COL1A2: variants seen among roughly 807,000 people sequenced by gnomAD.
The protein encoded by COL1A2 is collagen alpha-2(I) chain.
Under a neutral mutation model 174.3 loss-of-function variants are expected in COL1A2, and 49 were observed. That is an observed-to-expected ratio of 0.28 (90% CI 0.22 to 0.36). COL1A2 has a LOEUF of 0.36. COL1A2 is among the 10% of genes least tolerant of loss of function. The pLI, the probability that COL1A2 is intolerant of heterozygous loss-of-function variation, is 1.00. For synonymous variants in COL1A2, 655 were observed against 606.6 expected, an observed-to-expected ratio of 1.08 and a Z score of -1.17; for missense variants, 1,438 against 1,822.7, an observed-to-expected ratio of 0.79 and a Z score of 3.84.
chr7:94,416,411 C>G lies in COL1A2; in HGVS notation c.1771C>G (p.Arg591Gly). ...LPGPAGPRGE[R>G]GPPGESGAAG... ...TTCTAATCACTTTTTTCAGGGGGAA[C>G]GCGGTCCCCCAGGTGAGAGTGGTGC... The change falls in exon 31 of 52, where the codon CGC becomes GGC. Residue 591 changes from arginine (R) to glycine (G), a missense_variant. By Grantham distance (125) the Arg-to-Gly change is moderately radical. This residue lies in a region of COL1A2 where 867 missense variants were observed against 1,213.7 expected (regional missense o/e 0.71). Transcript: ENST00000297268. The G allele has an allele frequency of 3.2e-6, 5 of 1,572,690 alleles. No individual in the cohort carries two copies. Among genetic ancestry groups the G allele is most frequent in the Middle Eastern group, 3.3e-4 (2 of 5,982 alleles).
At chr7:94,419,476 C>T (rs1453957949) in intron 33 of COL1A2, 22 bp from the exon 34 acceptor site, 2 of 1,613,598 alleles carry the variant, frequency 1.2e-6, no homozygotes, top group Non-Finnish European at 1.7e-6. Context: ...ATTAATAAGA[C>T]ATGTTTCCTT....
chr7:94,405,156 G>A (rs1017376687), intron 9 of COL1A2, 43 bp from the exon 10 acceptor site: 1 of 1,606,768 alleles, frequency 6.2e-7, no homozygotes, highest in Non-Finnish European at 8.5e-7. Context: ...TTGTCTGATA[G>A]TTTACCAAGA....
At position 94,414,287 on chromosome 7, in the gene COL1A2, A is replaced by T; in HGVS notation, c.1719+12A>T. 6.2e-7 allele frequency: 1 copy of T among 1,612,192 alleles called. No homozygotes were observed. Among genetic ancestry groups the T allele is most frequent in the Non-Finnish European group, 8.5e-7 (1 of 1,178,226 alleles). ...AACCAGGAGAAAGGGTGAGTAAAAC[A>T]AGTAATAGTAAGTAGTAACTACTAA... is the stretch of plus-strand genomic sequence containing the variant. On this transcript the variant is annotated intron_variant, in intron 29 of 51. Transcript: ENST00000297268.
chr7:94,396,019 C>T (rs1791575804), intron 1 of COL1A2, among the ~76,000 whole-genome samples: 1 of 152,042 alleles, frequency 6.6e-6, no homozygotes, highest in Admixed American at 6.5e-5. Context: ...AGTCTGACAC[C>T]AATTTGCTGC....
intron 39 of COL1A2, chr7:94,422,630 C>A: frequency 1.2e-5 from 3 of 252,240 alleles, no homozygotes; most frequent in Non-Finnish European, 1.5e-5. Context: ...CTCAGAGTCC[C>A]ATTCATTTAT....
chr7:94,422,862 C>T (rs1792195917), intron 39 of COL1A2, 95 bp from the exon 40 acceptor site: 1 of 1,414,478 alleles, frequency 7.1e-7, no homozygotes. Flanking sequence ...TATTGCATCA[C>T]ATTGTTTGCA....
chr7:94,401,904 G>T (rs1424107853), intron 6 of COL1A2, among the ~76,000 whole-genome samples: 1 of 151,840 alleles, frequency 6.6e-6, no homozygotes, highest in Admixed American at 6.6e-5. Flanking sequence ...ATAATCTTTG[G>T]ACATAGTAAC....
intron 24 of COL1A2, 41 bp from the exon 25 acceptor site, chr7:94,412,543 T>C (rs778093263): frequency 3.7e-5 from 56 of 1,499,526 alleles, no homozygotes; most frequent in Non-Finnish European, 4.9e-5. Flanking sequence ...GTTGTGAGAA[T>C]ATGTTGACAC....
intron 11 of COL1A2, 84 bp from the exon 12 acceptor site, chr7:94,406,166 T>C (rs532835134): frequency 1.4e-6 from 2 of 1,413,290 alleles, no homozygotes; most frequent in South Asian, 1.2e-5. Context: ...CCAAGAGAGA[T>C]TAATGGCAAA....
At chr7:94,402,582 G>GA (rs1157033266) in intron 6 of COL1A2, among the ~76,000 whole-genome samples, 1 of 151,910 alleles carries the variant, frequency 6.6e-6, no homozygotes, top group Non-Finnish European at 1.5e-5. Flanking sequence ...AGTTTGAAGG[G>GA]AAAAATGCTA....
chr7:94,417,698 T>C (rs769186933), intron 31 of COL1A2, 26 bp from the exon 32 acceptor site: 1 of 1,543,866 alleles, frequency 6.5e-7, no homozygotes, highest in South Asian at 1.2e-5. Flanking sequence ...TCCACTAAAA[T>C]TGATTTCACA....
chr7:94,408,851 A>T, intron 16 of COL1A2, 28 bp downstream of exon 16: 1 of 1,596,726 alleles, frequency 6.3e-7, no homozygotes, highest in Non-Finnish European at 8.6e-7. Flanking sequence ...CATTGTCACT[A>T]CTTTGATAAA....
chr7:94,426,843 G>T (rs1792288218), intron 46 of COL1A2, 165 bp from the exon 47 acceptor site: 5 of 675,128 alleles, frequency 7.4e-6, no homozygotes. Context: ...AAAAAAAATT[G>T]AATATAATAG....
chr7:94,427,237 A>C lies in COL1A2; in HGVS notation c.3209A>C (p.His1070Pro), dbSNP rs767399660. 46 of 1,613,852 alleles carry C rather than the reference A, an allele frequency of 2.9e-5. No individual in the cohort carries two copies. The highest frequency in any genetic ancestry group is 1.6e-4 in the Middle Eastern group (1 of 6,084). ...GCTGGAAAAGATGGTCGCACTGGAC[A>C]TCCTGGTACAGTTGGACCTGCTGGC... ...GPAGKDGRTG[H>P]PGTVGPAGIR... The change falls in exon 48 of 52, where the codon CAT (histidine) becomes CCT (proline). Residue 1070 changes from histidine to proline, a missense_variant. Physicochemically the swap from His to Pro is moderately conservative, Grantham distance 77. This residue lies in a region of COL1A2 where 867 missense variants were observed against 1,213.7 expected (regional missense o/e 0.71). Coordinates refer to ENST00000297268, the MANE Select transcript of COL1A2 (RefSeq NM_000089.4).
chr7:94,401,450 C>A, intron 5 of COL1A2, 117 bp from the exon 6 acceptor site: 1 of 357,946 alleles, frequency 2.8e-6, no homozygotes, highest in Non-Finnish European at 4.5e-6. Context: ...AAAAACATTG[C>A]CCTCTTTTAA....
Position 94,427,809 on chromosome 7 carries a change from T to C in COL1A2, c.3450T>C (p.Leu1150=), listed in dbSNP as rs773062699. Residue 1150 remains leucine, a synonymous_variant, in exon 49 of 52, where the codon CTT becomes CTC. Transcript: ENST00000297268. The part of the protein sequence containing the change: ...KSLNNQIETL[L]TPEGSRKNPA... ...TCAACAACCAGATTGAGACCCTTCT[T>C]ACTCCTGAAGGCTCTAGAAAGAACC... The C allele has an allele frequency of 3.7e-6, 6 of 1,614,094 alleles. No individual in the cohort carries two copies. In the East Asian group the frequency reaches 1.3e-4, roughly 36 times the overall value.
In COL1A2 at chr7:94,416,480, C is replaced by T. The variant is rs1792044448; in HGVS notation, c.1840C>T (p.Pro614Ser). ...GPIGSRGPSGPPGPDGNKGEP... is the reference protein window; with the variant it reads ...GPIGSRGPSGSPGPDGNKGEP... ...TATTGGAAGCCGAGGTCCTTCTGGACCCCCAGGGCCTGATGGAAACAAGGT... is the reference window on the plus strand; with the variant it reads ...TATTGGAAGCCGAGGTCCTTCTGGATCCCCAGGGCCTGATGGAAACAAGGT... Residue 614 changes from proline to serine, a missense_variant, in exon 31 of 52, where the codon CCC becomes TCC. Coordinates refer to ENST00000297268, the MANE Select transcript of COL1A2 (RefSeq NM_000089.4). The T allele has an allele frequency of 1.3e-6, 2 of 1,576,734 alleles. No homozygotes were observed. The highest frequency in any genetic ancestry group is 1.3e-5 in the African/African-American group (1 of 74,206).
rs1791772169 is a variant in COL1A2, at chr7:94,405,256, A to G, written c.486+4A>G. 1 of 1,613,730 alleles carries G rather than the reference A, an allele frequency of 6.2e-7. No homozygotes were observed. The highest frequency in any genetic ancestry group is 1.7e-5 in the Admixed American group (1 of 59,984). On this transcript the variant is annotated splice_donor_region_variant and intron_variant, in intron 10 of 51. Coordinates refer to ENST00000297268, the MANE Select transcript of COL1A2 (RefSeq NM_000089.4). ...GAGAGGAGTTGTTGGACCACAGGTG[A>G]GACTTTTTACATTGGTAGATAGCAC...
chr7:94,416,436 C>G lies in COL1A2; in HGVS notation c.1796C>G (p.Ala599Gly). 1 of 1,585,898 alleles carries G rather than the reference C, an allele frequency of 6.3e-7. No individual in the cohort carries two copies. Among genetic ancestry groups the G allele is most frequent in the Non-Finnish European group, 8.6e-7 (1 of 1,165,322 alleles). The change falls in exon 31 of 52, where the codon GCT becomes GGT. Residue 599 changes from alanine to glycine, a missense_variant. Coordinates refer to ENST00000297268, the MANE Select transcript of COL1A2 (RefSeq NM_000089.4). ...CGCGGTCCCCCAGGTGAGAGTGGTGCTGCCGGTCCTACTGGTCCTATTGGA... is the reference window on the plus strand; with the variant it reads ...CGCGGTCCCCCAGGTGAGAGTGGTGGTGCCGGTCCTACTGGTCCTATTGGA... The part of the protein sequence containing the change: ...GERGPPGESG[A>G]AGPTGPIGSR...
Sources: allele counts gnomAD v4.1 joint callset (sites outside exome capture counted in the v4.1 genomes callset), GRCh38; gene constraint gnomAD v4.1.1; regional missense constraint gnomAD v4.1.1; transcripts MANE v1.5; gene names NCBI Gene and HGNC (gene_info 2026-07-23, HGNC 2026-07-21).